The following ESRRG variants were observed in gnomAD, a reference collection of about 807,000 sequenced individuals.
ESRRG encodes the protein estrogen related receptor gamma.
Under a neutral mutation model 44.0 loss-of-function variants are expected in ESRRG, and 13 were observed. The observed-to-expected ratio is 0.30, with a 90% CI of 0.19 to 0.47. The LOEUF is 0.47. Ranked by LOEUF, ESRRG falls within the 20% of genes least tolerant of loss-of-function variation. ESRRG has a pLI of 1.00. For synonymous variants in ESRRG, 215 were observed against 214.6 expected (o/e 1.00, Z -0.02); for missense variants, 395 against 580.6 (o/e 0.68, Z 3.29).
chr1:216,948,950 C>A (rs1472841282), intron 1 of ESRRG, among the ~76,000 whole-genome samples: 1 of 152,076 alleles, frequency 6.6e-6, no homozygotes, highest in Admixed American at 6.6e-5. Flanking sequence ...AAGCTTAGAG[C>A]ACTTTGAGTT....
intron 2 of ESRRG, among the ~76,000 whole-genome samples, chr1:216,737,824 A>G (rs946475): frequency 0.55 from 83,403 of 151,038 alleles, 23,626 homozygotes; most frequent in East Asian, 0.73. Flanking sequence ...TAAGATTGTT[A>G]TGAAAACAAA....
intron 3 of ESRRG, among the ~76,000 whole-genome samples, chr1:216,616,137 C>T (rs1426387661): frequency 6.6e-6 from 1 of 152,192 alleles, no homozygotes; most frequent in African/African-American, 2.4e-5. Flanking sequence ...ACTAGGGTCG[C>T]TGTGGTGGAT....
At chr1:216,648,281 C>A (rs895263082) in intron 3 of ESRRG, among the ~76,000 whole-genome samples, 1 of 152,150 alleles carries the variant, frequency 6.6e-6, no homozygotes, top group Non-Finnish European at 1.5e-5. Flanking sequence ...TCCACATTTA[C>A]TCATAACCAT....
intron 1 of ESRRG, among the ~76,000 whole-genome samples, chr1:217,088,434 A>G (rs2151541797): frequency 2.0e-5 from 2 of 101,688 alleles, no homozygotes; most frequent in African/African-American, 4.0e-5. Context: ...TTTGAGAGAG[A>G]GAGAGAGAGT....
chr1:216,769,758 T>A (rs139333876), intron 2 of ESRRG, among the ~76,000 whole-genome samples: 1 of 152,152 alleles, frequency 6.6e-6, no homozygotes, highest in East Asian at 1.9e-4. Flanking sequence ...AATTTTCAAG[T>A]GACTGATAAT....
intron 2 of ESRRG, among the ~76,000 whole-genome samples, chr1:216,881,672 A>G (rs1294322236): frequency 6.6e-6 from 1 of 152,200 alleles, no homozygotes; most frequent in Non-Finnish European, 1.5e-5. Flanking sequence ...TCATTTTACC[A>G]TATTGGTCAA....
At chr1:216,736,753 C>T (rs2089991489) in intron 2 of ESRRG, among the ~76,000 whole-genome samples, 1 of 152,128 alleles carries the variant, frequency 6.6e-6, no homozygotes, top group African/African-American at 2.4e-5. Context: ...GTTGAAAACA[C>T]AAATGATTAG....
At position 216,593,473 on chromosome 1, in the gene ESRRG, C is replaced by T. The variant is rs373389837; in HGVS notation, c.590-25375G>A. On this transcript the variant is annotated intron_variant, in intron 3 of 6. Transcript: ENST00000408911. ...CCAACCCCATCTGTTTTAAGTGGAA[C>T]ATCTAGGACAACTAGGCTAACCACG... Among the ~76,000 whole-genome samples the T allele has an allele frequency of 1.1e-3, 166 of 152,308 alleles. 4 individuals carry two copies. In the South Asian group the frequency reaches 0.034, roughly 31 times the overall value.
chr1:216,789,588 G>A (rs184935273), intron 2 of ESRRG, among the ~76,000 whole-genome samples: 1 of 152,190 alleles, frequency 6.6e-6, no homozygotes, highest in East Asian at 1.9e-4. Flanking sequence ...ACGTGGTCTG[G>A]AACAGAACTA....
At chr1:216,756,024 G>A (rs2092421742) in intron 2 of ESRRG, among the ~76,000 whole-genome samples, 2 of 151,976 alleles carry the variant, frequency 1.3e-5, no homozygotes, top group Admixed American at 1.3e-4. Context: ...CAAGTAGTGT[G>A]CATTCCCAAA....
At chr1:216,746,944 T>C (rs2820875) in intron 2 of ESRRG, among the ~76,000 whole-genome samples, 116,410 of 152,056 alleles carry the variant, frequency 0.77, 45,653 homozygotes, top group South Asian at 0.9. Flanking sequence ...TTTCCTTCAA[T>C]ATATTCAAAA....
intron 2 of ESRRG, among the ~76,000 whole-genome samples, chr1:216,876,842 T>G (rs906653664): frequency 6.6e-6 from 1 of 152,150 alleles, no homozygotes; most frequent in Non-Finnish European, 1.5e-5. Flanking sequence ...TGTACCCTGG[T>G]TAAATACTTT....
chr1:217,090,721 G>A (rs910641460), upstream of ESRRG, among the ~76,000 whole-genome samples: 16 of 152,120 alleles, frequency 1.1e-4, no homozygotes, highest in Non-Finnish European at 2.1e-4. Flanking sequence ...AAATTTGGGG[G>A]GCTCCGGGCA....
intron 2 of ESRRG, among the ~76,000 whole-genome samples, chr1:216,826,762 A>C (rs2095404549): frequency 6.6e-6 from 1 of 152,130 alleles, no homozygotes; most frequent in Non-Finnish European, 1.5e-5. Context: ...TTGATCCCAG[A>C]GTCTTTAGCT....
intron 1 of ESRRG, among the ~76,000 whole-genome samples, chr1:217,027,529 A>G (rs1041621037): frequency 5.9e-5 from 9 of 152,284 alleles, no homozygotes; most frequent in Admixed American, 5.2e-4. Context: ...TAGCAACACA[A>G]TTATGTTGTC....
chr1:216,597,587 T>A (rs1200351651), intron 3 of ESRRG, among the ~76,000 whole-genome samples: 1 of 152,248 alleles, frequency 6.6e-6, no homozygotes, highest in Non-Finnish European at 1.5e-5. Flanking sequence ...GTATTTCAAA[T>A]GCTTCCCAGT....
chr1:216,567,199 T>A (rs1483287611), intron 4 of ESRRG, among the ~76,000 whole-genome samples: 1 of 152,170 alleles, frequency 6.6e-6, no homozygotes, highest in Non-Finnish European at 1.5e-5. Flanking sequence ...GGATCCCTAT[T>A]CATAAACATC....
intron 2 of ESRRG, among the ~76,000 whole-genome samples, chr1:216,817,543 TGTTTA>T (rs1201099041): frequency 6.6e-6 from 1 of 152,224 alleles, no homozygotes; most frequent in South Asian, 2.1e-4. Flanking sequence ...TTCCTAATCA[TGTTTA>T]GGGATTACTC....
At chr1:216,698,716 C>T (rs942694566) in intron 1 of ESRRG, among the ~76,000 whole-genome samples, 5 of 151,768 alleles carry the variant, frequency 3.3e-5, no homozygotes, top group Non-Finnish European at 5.9e-5. Flanking sequence ...AATAAACTAA[C>T]GGGGTGTCAG....
Sources: gnomAD v4.1 joint callset for allele counts (sites outside exome capture counted in the v4.1 genomes callset) on GRCh38, gnomAD v4.1.1 for gene constraint, MANE v1.5 for transcripts, NCBI Gene and HGNC (gene_info 2026-07-23, HGNC 2026-07-21) for gene names.